The following BRCA1 variants were observed in gnomAD, a reference collection of about 807,000 sequenced individuals.
The protein encoded by BRCA1 is breast cancer type 1 susceptibility protein.
Under a neutral mutation model 173.7 loss-of-function variants are expected in BRCA1, and 140 were observed. The ratio of observed to expected loss-of-function variants is 0.81; its 90% CI spans 0.70 to 0.93. The LOEUF (loss-of-function observed/expected upper bound fraction) is 0.93. BRCA1 is among the 40% of genes least tolerant of loss of function. The pLI is 0.00. For missense variants in BRCA1, 1,983 were observed against 2,172.5 expected (o/e 0.91, Z 1.73); for synonymous variants, 662 against 756.0 (o/e 0.88, Z 2.04).
upstream of BRCA1, among the ~76,000 whole-genome samples, chr17:43,127,091 C>T (rs551476469): frequency 9.8e-5 from 15 of 152,320 alleles, 1 homozygote; most frequent in South Asian, 2.3e-3. Context: ...CCGCCATGCC[C>T]GAGCCCCCTC....
At chr17:43,090,836 C>G (rs2053422502) in intron 11 of BRCA1, 108 bp downstream of exon 11, 2 of 1,044,094 alleles carry the variant, frequency 1.9e-6, no homozygotes, top group African/African-American at 1.6e-5. Context: ...ACAATTGTGC[C>G]ATTAATTCAA....
chr17:43,157,343 G>C (rs549953589), intron 1 of BRCA1, among the ~76,000 whole-genome samples: 1 of 149,058 alleles, frequency 6.7e-6, no homozygotes, highest in African/African-American at 2.4e-5. Flanking sequence ...TGTATTAAAA[G>C]GAAGTGAAAT....
At chr17:43,099,276 CTT>C (rs530063951) in intron 7 of BRCA1, among the ~76,000 whole-genome samples, 3 of 142,228 alleles carry the variant, frequency 2.1e-5, no homozygotes, top group Non-Finnish European at 1.5e-5. Context: ...CTTTTGCTCT[CTT>C]TTTTTTTTTT....
At chr17:43,117,678 G>A (rs886220897) in intron 2 of BRCA1, among the ~76,000 whole-genome samples, 3 of 152,092 alleles carry the variant, frequency 2.0e-5, no homozygotes, top group African/African-American at 7.2e-5. Flanking sequence ...AGTGCACGTT[G>A]CAGTGAGCCA....
rs746067447 is a variant in BRCA1 at position 43,094,763 on chromosome 17, C to A, written c.768G>T (p.Arg256Ser). 2 of 1,611,112 alleles carry A rather than the reference C, an allele frequency of 1.2e-6. No individual in the cohort carries two copies. The highest frequency in any genetic ancestry group is 4.5e-5 in the East Asian group (2 of 44,872). The part of the protein sequence containing the change: ...LNTTEKRAAE[R>S]HPEKYQGSSV... ...AACTACCCTGATACTTTTCTGGATG[C>A]CTCTCAGCTGCACGCTTCTCAGTGG... is the stretch of plus-strand genomic sequence containing the variant. Residue 256 changes from arginine (R) to serine (S), a missense_variant, in exon 10 of 23, where the codon AGG (arginine) becomes AGT (serine). By Grantham distance (110) the Arg-to-Ser change is moderately radical (BLOSUM62 -1). Transcript: ENST00000357654.
chr17:43,137,577 ATT>A (rs113719851), intron 1 of BRCA1, among the ~76,000 whole-genome samples: 18 of 152,084 alleles, frequency 1.2e-4, no homozygotes, highest in Non-Finnish European at 2.4e-4. Flanking sequence ...CCACAGGTGT[ATT>A]TTCAGAACCT....
Position 43,100,682 on chromosome 17 carries a change from T to TA in BRCA1, c.442-803dup, listed in dbSNP as rs1344560951. On this transcript the variant is annotated intron_variant, in intron 6 of 22. Coordinates refer to ENST00000357654, the MANE Select transcript of BRCA1 (RefSeq NM_007294.4). ...CATATATATATATATATATATAATA[T>TA]ATATATATATATATATATATGTAAT... Among the ~76,000 whole-genome samples the TA allele has an allele frequency of 5.2e-3, 386 of 74,422 alleles. 37 individuals are homozygous for TA. The African/African-American group carries it at 0.054, about 10-fold the overall frequency. 48.8% of individuals were successfully genotyped at this position (74,422 alleles called of 152,430 possible).
chr17:43,057,157 C>T (rs1331698634), intron 18 of BRCA1, 22 bp from the exon 19 acceptor site: 1 of 1,609,420 alleles, frequency 6.2e-7, no homozygotes, highest in Admixed American at 1.7e-5. Flanking sequence ...CAAACACAAC[C>T]CATCAGGATA....
chr17:43,116,172 T>C (rs1323343677), intron 2 of BRCA1, among the ~76,000 whole-genome samples: 2 of 147,332 alleles, frequency 1.4e-5, no homozygotes, highest in Non-Finnish European at 3.0e-5. Flanking sequence ...TTATATTTCT[T>C]TTGAATTCCT....
intron 1 of BRCA1, among the ~76,000 whole-genome samples, chr17:43,149,523 C>T (rs1200116007): frequency 6.6e-6 from 1 of 152,076 alleles, no homozygotes; most frequent in Non-Finnish European, 1.5e-5. Context: ...GCATGAGCCA[C>T]CGCACCCAGC....
chr17:43,131,749 A>C (rs371043642), intron 1 of BRCA1, among the ~76,000 whole-genome samples: 50 of 150,654 alleles, frequency 3.3e-4, no homozygotes, highest in East Asian at 7.8e-4. Flanking sequence ...TCAGCTTTTT[A>C]TTTTCTTTTC....
At position 43,093,454 on chromosome 17, in the gene BRCA1, CAT is replaced by C. The variant is rs397508936; in HGVS notation, c.2075_2076del (p.His692ArgfsTer19). 6.2e-7 allele frequency: 1 copy of C among 1,613,990 alleles called. No individual in the cohort carries two copies. Among genetic ancestry groups the C allele is most frequent in the East Asian group, 2.2e-5 (1 of 44,878 alleles). The stretch of plus-strand genomic sequence containing the variant: ...TTCAGCTCTGGGAAAGTATCGCTGT[CAT>C]GTCTTTTACTTGTCTGTTCATTTGG... ...NKPNEQTSKR[H>X]DSDTFPELKL... On this transcript the variant is annotated frameshift_variant, in exon 10 of 23. Transcript: ENST00000357654. LOFTEE classifies it high-confidence loss of function.
intron 1 of BRCA1, among the ~76,000 whole-genome samples, chr17:43,136,852 C>A (rs912218998): frequency 3.3e-5 from 5 of 152,162 alleles, no homozygotes; most frequent in African/African-American, 1.2e-4. Flanking sequence ...ACTAGTTCAA[C>A]CATTGTGGAA....
rs879255488 is a variant in BRCA1 at position 43,082,593 on chromosome 17, G to A, written c.4186-18C>T. 1 of 1,613,446 alleles carries A rather than the reference G, an allele frequency of 6.2e-7. No individual in the cohort carries two copies. Among genetic ancestry groups the A allele is most frequent in the Admixed American group, 1.7e-5 (1 of 60,000 alleles). On this transcript the variant is annotated intron_variant, in intron 11 of 22. Coordinates refer to ENST00000357654, the MANE Select transcript of BRCA1 (RefSeq NM_007294.4). ...TCCCTCTGCTTCAAAAACGATAAAT[G>A]GCACCAAGAAAATGAAATACTTTGA...
At chr17:43,087,801 C>G (rs2053287504) in intron 11 of BRCA1, among the ~76,000 whole-genome samples, 1 of 152,112 alleles carries the variant, frequency 6.6e-6, no homozygotes, top group Admixed American at 6.6e-5. Flanking sequence ...GTGGCACCAT[C>G]ATGGCTCACC....
chr17:43,168,325 T>C, intron 1 of BRCA1: 1 of 349,590 alleles, frequency 2.9e-6, no homozygotes, highest in Non-Finnish European at 5.6e-6. Flanking sequence ...AATGACAACT[T>C]CATTTTATCA....
At position 43,104,679 on chromosome 17, in the gene BRCA1, A is replaced by G. The variant is rs569197348; in HGVS notation, c.301+189T>C. Among the ~76,000 whole-genome samples, 5 of 152,262 alleles carry G rather than the reference A, an allele frequency of 3.3e-5. No individual in the cohort carries two copies. The South Asian group carries it at 1.0e-3, about 31-fold the overall frequency. On this transcript the variant is annotated intron_variant, in intron 5 of 22. Transcript: ENST00000357654. ...AGATGTTAAGATGTGAAAAATGTGCACCTTACGATTGATAAAATAAGGTGT... is the reference window on the plus strand; with the variant it reads ...AGATGTTAAGATGTGAAAAATGTGCGCCTTACGATTGATAAAATAAGGTGT...
chr17:43,127,171 G>A (rs1387807332), upstream of BRCA1, among the ~76,000 whole-genome samples: 4 of 152,228 alleles, frequency 2.6e-5, no homozygotes, highest in South Asian at 2.1e-4. Flanking sequence ...CTCAGCGCCC[G>A]GTCCCATCGA....
At chr17:43,134,846 C>G (rs1597932134) in intron 1 of BRCA1, among the ~76,000 whole-genome samples, 1 of 152,204 alleles carries the variant, frequency 6.6e-6, no homozygotes, top group East Asian at 1.9e-4. Context: ...GGACTCTGAC[C>G]TTTGCAGAGA....
Sources: allele counts gnomAD v4.1 joint callset (sites outside exome capture counted in the v4.1 genomes callset), GRCh38; gene constraint gnomAD v4.1.1; transcripts MANE v1.5; gene names NCBI Gene and HGNC (gene_info 2026-07-23, HGNC 2026-07-21).